Variants in WDR35 observed in about 807,000 individuals in gnomAD.
The protein encoded by WDR35 is WD repeat domain 35.
Under a neutral mutation model 158.3 loss-of-function variants are expected in WDR35, and 118 were observed. The observed-to-expected ratio is 0.75, with a 90% CI of 0.64 to 0.87. The LOEUF is 0.87. Among genes scored for constraint, WDR35 ranks in the 40% least tolerant of loss-of-function variants. The probability of loss-of-function intolerance (pLI) is 0.00; values close to 1 mark genes in which losing one functional copy is unlikely to be tolerated. For synonymous variants in WDR35, 448 were observed against 476.1 expected (o/e 0.94, Z 0.77); for missense variants, 1,263 against 1,405.8 (o/e 0.90, Z 1.62).
intron 11 of WDR35, among the ~76,000 whole-genome samples, chr2:19,954,541 C>A (rs140999353): frequency 6.6e-5 from 10 of 152,220 alleles, no homozygotes; most frequent in African/African-American, 2.2e-4. Context: ...AGTGAAGATA[C>A]ACAAATGGCC....
intron 17 of WDR35, among the ~76,000 whole-genome samples, chr2:19,940,189 CAA>C (rs1197342596): frequency 0.011 from 870 of 80,194 alleles, 2 homozygotes; most frequent in Non-Finnish European, 0.017. Context: ...CCCATCTCTA[CAA>C]AAAAAAAAAA....
Position 19,934,024 on chromosome 2 carries a change from A to AACCACCACC in WDR35, c.2548-522_2548-514dup, listed in dbSNP as rs57759587. Reference sequence around the variant, plus strand: ...TTGGAAAGTGGTGGCAGCGAGGAAGAACCACCACCACCACCACCACCACCA... The same window carrying AACCACCACC: ...TTGGAAAGTGGTGGCAGCGAGGAAGAACCACCACCACCACCACCACCACCACCACCACCA... On this transcript the variant is annotated intron_variant, in intron 21 of 26. Transcript: ENST00000281405. The surrounding 1 kb of genome is among the most constrained non-coding windows in gnomAD (Gnocchi z 4.6). Among the ~76,000 whole-genome samples the AACCACCACC allele has an allele frequency of 0.055, 5,726 of 105,020 alleles. 385 individuals are homozygous for AACCACCACC. The highest frequency in any genetic ancestry group is 0.19 in the East Asian group (683 of 3,674). The allele number at this position is 105,020 out of a possible 152,430, so 68.9% of individuals were successfully genotyped here.
chr2:19,950,241 T>C (rs1168118962), intron 13 of WDR35, among the ~76,000 whole-genome samples: 22 of 152,052 alleles, frequency 1.4e-4, no homozygotes, highest in Non-Finnish European at 2.8e-4. Context: ...AGGAGTGTAG[T>C]TTCATGAAAG....
At chr2:19,919,392 AAAAAAAG>A (rs751654588) in intron 25 of WDR35, among the ~76,000 whole-genome samples, 10,191 of 145,406 alleles carry the variant, frequency 0.07, 444 homozygotes, top group East Asian at 0.21. Flanking sequence ...AAAAAAAAAA[AAAAAAAG>A]AAAAGAAAAA....
At chr2:19,969,723 G>T in intron 8 of WDR35, 118 bp from the exon 9 acceptor site, 5 of 1,045,404 alleles carry the variant, frequency 4.8e-6, no homozygotes, top group Non-Finnish European at 6.9e-6. Flanking sequence ...AAAGTTACTA[G>T]TCACTTTAAA....
chr2:19,915,260 C>G (rs1572303108), intron 25 of WDR35, among the ~76,000 whole-genome samples: 1 of 151,996 alleles, frequency 6.6e-6, no homozygotes, highest in Non-Finnish European at 1.5e-5. Flanking sequence ...AATCAGAATC[C>G]TATAAACTGG....
intron 8 of WDR35, among the ~76,000 whole-genome samples, chr2:19,969,999 G>A (rs1033860349): frequency 1.3e-5 from 2 of 151,908 alleles, no homozygotes; most frequent in African/African-American, 2.4e-5. Context: ...TGCCTGCCTC[G>A]GCCTCCCAAA....
intron 25 of WDR35, among the ~76,000 whole-genome samples, chr2:19,919,380 C>CAA (rs1302042752): frequency 1.2e-3 from 60 of 48,098 alleles, no homozygotes; most frequent in Middle Eastern, 0.011. Context: ...GGCTCCATCT[C>CAA]AAAAAAAAAA....
At position 19,980,837 on chromosome 2, in the gene WDR35, T is replaced by C. The variant is rs1366669136; in HGVS notation, c.215-54A>G. ...TTAAAGGTTACAATTAATTTCAAATTCACATTTTTATATAAACACCAAGAT... is the reference window on the plus strand; with the variant it reads ...TTAAAGGTTACAATTAATTTCAAATCCACATTTTTATATAAACACCAAGAT... On this transcript the variant is annotated intron_variant, in intron 3 of 26. Coordinates refer to ENST00000281405, the MANE Select transcript of WDR35 (RefSeq NM_020779.4). 4.0e-6 allele frequency: 6 copies of C among 1,509,456 alleles called. No homozygotes were observed. The East Asian group carries it at 1.4e-4, about 34-fold the overall frequency. The allele number at this position is 1,509,456 out of a possible 1,614,324, so 93.5% of individuals were successfully genotyped here.
intron 22 of WDR35, 67 bp from the exon 23 acceptor site, chr2:19,932,514 C>T: frequency 6.3e-7 from 1 of 1,593,892 alleles, no homozygotes; most frequent in South Asian, 1.1e-5. Flanking sequence ...AAAATTCACA[C>T]AAGAAAGCTT....
chr2:19,983,343 CA>C (rs1376087067), intron 2 of WDR35, among the ~76,000 whole-genome samples: 1 of 152,106 alleles, frequency 6.6e-6, no homozygotes, highest in Non-Finnish European at 1.5e-5. Context: ...TGTGGATGAA[CA>C]GGGGAGAAAA....
chr2:19,973,654 A>T lies in WDR35; in HGVS notation c.791T>A (p.Met264Lys). 1 of 1,614,184 alleles carries T rather than the reference A, an allele frequency of 6.2e-7. No homozygotes were observed. Among genetic ancestry groups the T allele is most frequent in the Non-Finnish European group, 8.5e-7 (1 of 1,180,038 alleles). The part of the protein sequence containing the change: ...MYVVGIQWNH[M>K]GSVLAVAGFQ... ...GCCTGCCACAGCTAACACGCTGCCCATGTGGTTCCACTGGATGCCTACTAC... is the reference window on the plus strand; with the variant it reads ...GCCTGCCACAGCTAACACGCTGCCCTTGTGGTTCCACTGGATGCCTACTAC... Residue 264 changes from methionine (M) to lysine (K), a missense_variant, in exon 8 of 27, where the codon ATG becomes AAG. Transcript: ENST00000281405.
At chr2:19,932,597 C>A in intron 22 of WDR35, 150 bp from the exon 23 acceptor site, 1 of 912,214 alleles carries the variant, frequency 1.1e-6, no homozygotes. Flanking sequence ...AAAATCACAG[C>A]AACATAAGTC....
At chr2:19,941,521 T>C (rs887986875) in intron 17 of WDR35, among the ~76,000 whole-genome samples, 1 of 152,236 alleles carries the variant, frequency 6.6e-6, no homozygotes, top group African/African-American at 2.4e-5. Flanking sequence ...TTATTATCTG[T>C]ATTTTATAAA....
At position 19,973,641 on chromosome 2, in the gene WDR35, T is replaced by C. The variant is rs1672099063; in HGVS notation, c.804A>G (p.Leu268=). The change falls in exon 8 of 27, where the codon TTA becomes TTG. Residue 268 remains leucine, a synonymous_variant. Transcript: ENST00000281405. ...GIQWNHMGSV[L]AVAGFQKAAM... ...CTGCCTTCTGGAAGCCTGCCACAGC[T>C]AACACGCTGCCCATGTGGTTCCACT... 6.2e-7 allele frequency: 1 copy of C among 1,614,218 alleles called. No individual in the cohort carries two copies. Among genetic ancestry groups the C allele is most frequent in the Non-Finnish European group, 8.5e-7 (1 of 1,180,040 alleles).
rs1224969449 is a variant in WDR35, at chr2:19,987,368, T to C, written c.142+1797A>G. On this transcript the variant is annotated intron_variant, in intron 2 of 26. Transcript: ENST00000281405. ...TCATTCAGTTCCAAAACAAATACTT[T>C]ACTCCATTTTCCAAACCTCCCAAGA... Among the ~76,000 whole-genome samples, 4 of 152,206 alleles carry C rather than the reference T, an allele frequency of 2.6e-5. No individual in the cohort carries two copies. In the East Asian group the frequency reaches 7.7e-4, roughly 29 times the overall value.
At chr2:19,960,773 A>G (rs1671624512) in intron 10 of WDR35, among the ~76,000 whole-genome samples, 159 bp from the exon 11 acceptor site, 1 of 152,240 alleles carries the variant, frequency 6.6e-6, no homozygotes, top group Non-Finnish European at 1.5e-5. Context: ...AAAAAGAAAG[A>G]TGATTTACAG....
At chr2:19,951,713 A>G (rs1671241549) in intron 12 of WDR35, 1 of 394,572 alleles carries the variant, frequency 2.5e-6, no homozygotes, top group South Asian at 5.0e-5. Context: ...TACCAAAAAC[A>G]TATCTGAACA....
rs773669029 is a variant in WDR35, at chr2:19,975,677, T to G, written c.437-14A>C. On this transcript the variant is annotated splice_polypyrimidine_tract_variant and intron_variant, in intron 5 of 26. Coordinates refer to ENST00000281405, the MANE Select transcript of WDR35 (RefSeq NM_020779.4). ...AAATACGATTGCCTAAAACAAAACATTATTAAAAGTTGTTCAAGGTCATGA... is the reference window on the plus strand; with the variant it reads ...AAATACGATTGCCTAAAACAAAACAGTATTAAAAGTTGTTCAAGGTCATGA... 1.2e-6 allele frequency: 2 copies of G among 1,613,878 alleles called. No individual in the cohort carries two copies. Among genetic ancestry groups the G allele is most frequent in the Admixed American group, 3.3e-5 (2 of 60,032 alleles).
Sources: gnomAD v4.1 joint callset for allele counts (sites outside exome capture counted in the v4.1 genomes callset) on GRCh38, gnomAD v4.1.1 for gene constraint, Gnocchi (gnomAD v3.1) non-coding constraint, MANE v1.5 for transcripts, NCBI Gene and HGNC (gene_info 2026-07-23, HGNC 2026-07-21) for gene names.